TMPRSS12: variants seen among roughly 807,000 people sequenced by gnomAD.
The protein encoded by TMPRSS12 is transmembrane serine protease 12.
A neutral mutation model predicts 26.0 loss-of-function variants in TMPRSS12; 25 were observed. That is an observed-to-expected ratio of 0.96 (90% CI 0.70 to 1.34). The LOEUF (loss-of-function observed/expected upper bound fraction) is 1.34. Among genes scored for constraint, TMPRSS12 ranks in the 40% most tolerant of loss-of-function variants. The pLI is 0.00. For missense variants in TMPRSS12, 441 were observed against 440.1 expected (o/e 1.00, Z -0.02); for synonymous variants, 150 against 161.7 (o/e 0.93, Z 0.55).
intron 3 of TMPRSS12, among the ~76,000 whole-genome samples, chr12:50,869,997 T>C (rs1433980717): frequency 6.6e-6 from 1 of 152,096 alleles, no homozygotes; most frequent in African/African-American, 2.4e-5. Context: ...GCAGGAGAAC[T>C]GCTTGAACCC....
chr12:50,849,251 C>A (rs781488560), intron 2 of TMPRSS12, among the ~76,000 whole-genome samples: 1 of 152,126 alleles, frequency 6.6e-6, no homozygotes, highest in Admixed American at 6.5e-5. Flanking sequence ...TGTAGTCCAG[C>A]AGCCCACTGA....
intron 3 of TMPRSS12, among the ~76,000 whole-genome samples, chr12:50,882,923 T>A (rs1396036342): frequency 6.6e-6 from 1 of 152,220 alleles, no homozygotes; most frequent in African/African-American, 2.4e-5. Flanking sequence ...AATAATCATA[T>A]TATTGATTCC....
intron 3 of TMPRSS12, among the ~76,000 whole-genome samples, chr12:50,881,380 T>C (rs1054537359): frequency 1.3e-5 from 2 of 152,094 alleles, no homozygotes; most frequent in Non-Finnish European, 1.5e-5. Context: ...TAAAACTGGA[T>C]TGTGGTGCTG....
intron 2 of TMPRSS12, among the ~76,000 whole-genome samples, chr12:50,846,533 GA>G (rs1937769341): frequency 6.6e-6 from 1 of 151,772 alleles, no homozygotes; most frequent in African/African-American, 2.4e-5. Context: ...ACACTCTTTG[GA>G]TTAGTATGGA....
rs116252845 is a variant in TMPRSS12, at chr12:50,843,243, T to A, written c.187+92T>A. ...AATTCGGGTTTCTCCTTTTCTGTTG[T>A]CCCAATGGCCTTTAACCAAAATTTT... is the stretch of plus-strand genomic sequence containing the variant. On this transcript the variant is annotated intron_variant, in intron 1 of 4. Coordinates refer to ENST00000398458, the MANE Select transcript of TMPRSS12 (RefSeq NM_182559.3). 4,730 of 1,379,750 alleles carry A rather than the reference T, an allele frequency of 3.4e-3. 135 individuals carry two copies. The African/African-American group carries it at 0.06, about 18-fold the overall frequency. The allele number at this position is 1,379,750 out of a possible 1,614,324, so 85.5% of individuals were successfully genotyped here. A position where few individuals can be genotyped will look rare whatever the true frequency, so the allele number is the denominator to read the frequency against.
rs1318273298 is a variant in TMPRSS12, at chr12:50,843,971, T to G, written c.317T>G (p.Val106Gly). ...AAATATGGCCGTGTTCTTGTTCATG[T>G]ATGTGGGGGAACCCTAGTGAGAGAG... Reference protein sequence around the residue: ...QIKYGRVLVHVCGGTLVRERW... With the variant: ...QIKYGRVLVHGCGGTLVRERW... Residue 106 changes from valine to glycine, a missense_variant, in exon 2 of 5, where the codon GTA becomes GGA. Coordinates refer to ENST00000398458, the MANE Select transcript of TMPRSS12 (RefSeq NM_182559.3). 2.5e-6 allele frequency: 4 copies of G among 1,607,890 alleles called. No homozygotes were observed. The African/African-American group carries it at 4.0e-5, about 16-fold the overall frequency.
chr12:50,849,860 C>G (rs1437797622), intron 2 of TMPRSS12, among the ~76,000 whole-genome samples: 4 of 152,080 alleles, frequency 2.6e-5, no homozygotes, highest in Non-Finnish European at 5.9e-5. Context: ...AGGCACAGAA[C>G]AAATTTCTTC....
intron 3 of TMPRSS12, among the ~76,000 whole-genome samples, chr12:50,867,975 C>A (rs1388855186): frequency 6.6e-6 from 1 of 152,152 alleles, no homozygotes; most frequent in Non-Finnish European, 1.5e-5. Context: ...CTAGAAGGAG[C>A]TCTAAATCTT....
chr12:50,842,961 CA>C lies in TMPRSS12; in HGVS notation c.1del. The C allele has an allele frequency of 6.3e-7, 1 of 1,580,688 alleles. No homozygotes were observed. Among genetic ancestry groups the C allele is most frequent in the Non-Finnish European group, 8.6e-7 (1 of 1,161,842 alleles). On this transcript the variant is annotated 5_prime_UTR_variant, in exon 1 of 5. Transcript: ENST00000398458. Reference sequence around the variant, plus strand: ...TGCCGCCATCTTGCTCACCAGCCTCCAAAATGCGGCTGGGGCTCCTGAGCGT... The same window carrying C: ...TGCCGCCATCTTGCTCACCAGCCTCCAAATGCGGCTGGGGCTCCTGAGCGT...
intron 2 of TMPRSS12, among the ~76,000 whole-genome samples, chr12:50,846,958 C>T (rs1937773982): frequency 6.7e-6 from 1 of 149,462 alleles, no homozygotes; most frequent in Admixed American, 6.7e-5. Flanking sequence ...TATTTGGAGT[C>T]TCTTAATATT....
rs939704333 is a variant in TMPRSS12 at position 50,843,113 on chromosome 12, G to A, written c.149G>A (p.Arg50Lys). 8.2e-6 allele frequency: 13 copies of A among 1,576,626 alleles called. No individual in the cohort carries two copies. The highest frequency in any genetic ancestry group is 1.0e-5 in the Non-Finnish European group (12 of 1,161,014). ...CAGCAGGCTGAGGCCGTCCGCAAGA[G>A]GCTCCGGCGGCGGAGGGAGGGAGGG... ...SSQQAEAVRKRLRRRREGGAH... is the reference protein window; with the variant it reads ...SSQQAEAVRKKLRRRREGGAH... Residue 50 changes from arginine to lysine, a missense_variant, in exon 1 of 5, where the codon AGG (arginine) becomes AAG (lysine). Physicochemically the swap from Arg to Lys is conservative, Grantham distance 26. Coordinates refer to ENST00000398458, the MANE Select transcript of TMPRSS12 (RefSeq NM_182559.3).
At chr12:50,862,289 C>G (rs190821357) in intron 3 of TMPRSS12, among the ~76,000 whole-genome samples, 108 of 152,218 alleles carry the variant, frequency 7.1e-4, no homozygotes, top group Admixed American at 1.1e-3. Context: ...GTTAAGGACT[C>G]GGTGTGACGA....
At chr12:50,868,659 T>C (rs957868727) in intron 3 of TMPRSS12, among the ~76,000 whole-genome samples, 1 of 152,182 alleles carries the variant, frequency 6.6e-6, no homozygotes, top group Non-Finnish European at 1.5e-5. Context: ...TTAACAGATA[T>C]ATACAGAACA....
chr12:50,853,581 C>CAAAAAAAA (rs34657217), intron 2 of TMPRSS12, among the ~76,000 whole-genome samples: 76 of 101,876 alleles, frequency 7.5e-4, no homozygotes, highest in Non-Finnish European at 9.3e-4. Context: ...GCTAGACTAA[C>CAAAAAAAA]AAAAAAAAAA....
intron 3 of TMPRSS12, among the ~76,000 whole-genome samples, chr12:50,876,992 G>T (rs1272534439): frequency 6.6e-6 from 1 of 152,036 alleles, no homozygotes; most frequent in Admixed American, 6.6e-5. Context: ...TTATAAGTGG[G>T]AGGTAAATAG....
intron 3 of TMPRSS12, among the ~76,000 whole-genome samples, chr12:50,875,346 C>T (rs1320008952): frequency 6.6e-6 from 1 of 151,758 alleles, no homozygotes; most frequent in African/African-American, 2.4e-5. Context: ...CAAAAATTAG[C>T]CAGGTGTGGT....
chr12:50,862,973 G>T (rs978272688), intron 3 of TMPRSS12, among the ~76,000 whole-genome samples: 3 of 152,026 alleles, frequency 2.0e-5, no homozygotes, highest in Non-Finnish European at 4.4e-5. Context: ...TGGGAGGACT[G>T]CTTGAGGCCA....
intron 3 of TMPRSS12, among the ~76,000 whole-genome samples, chr12:50,884,834 T>A (rs1938208861): frequency 6.6e-6 from 1 of 150,936 alleles, no homozygotes; most frequent in African/African-American, 2.4e-5. Flanking sequence ...ATCACGCCAC[T>A]GCACTGCAGC....
intron 2 of TMPRSS12, among the ~76,000 whole-genome samples, chr12:50,857,788 T>TTTG (rs10602762): frequency 6.8e-6 from 1 of 147,542 alleles, no homozygotes; most frequent in African/African-American, 2.5e-5. Context: ...GGTTTAGTTT[T>TTTG]TTGTTGTTGT....
Sources: gnomAD v4.1 joint callset for allele counts (sites outside exome capture counted in the v4.1 genomes callset) on GRCh38, gnomAD v4.1.1 for gene constraint, MANE v1.5 for transcripts, NCBI Gene and HGNC (gene_info 2026-07-23, HGNC 2026-07-21) for gene names.